The following RAG1 variants were observed in gnomAD, a reference collection of about 807,000 sequenced individuals.
RAG1 encodes V(D)J recombination-activating protein 1.
A neutral mutation model predicts 62.7 loss-of-function variants in RAG1; 35 were observed. That is an observed-to-expected ratio of 0.56 (90% CI 0.43 to 0.74). RAG1 has a LOEUF of 0.74. Among genes scored for constraint, RAG1 ranks in the 30% least tolerant of loss-of-function variants. RAG1 has a pLI of 0.00. For missense variants in RAG1, 1,169 were observed against 1,278.6 expected, an observed-to-expected ratio of 0.91 and a Z score of 1.31; for synonymous variants, 461 against 470.3, an observed-to-expected ratio of 0.98 and a Z score of 0.26.
chr11:36,538,670 T>A (rs190011947), downstream of RAG1, among the ~76,000 whole-genome samples: 15 of 152,298 alleles, frequency 9.8e-5, no homozygotes, highest in Admixed American at 9.8e-4. Context: ...TCTTTAACCT[T>A]TTTTCCTCTG....
chr11:36,543,008 A>G (rs897230454), intron 3 of RAG1, among the ~76,000 whole-genome samples: 3 of 152,182 alleles, frequency 2.0e-5, no homozygotes, highest in African/African-American at 7.2e-5. Context: ...AATTAATCTA[A>G]TCAGTGCCTC....
chr11:36,572,815 C>T (rs2133291995), intron 1 of RAG1, among the ~76,000 whole-genome samples: 1 of 152,282 alleles, frequency 6.6e-6, no homozygotes, highest in African/African-American at 2.4e-5. Flanking sequence ...AAACAACCAA[C>T]CCCCTGGAAG....
At chr11:36,571,389 G>T (rs1850741546) in intron 1 of RAG1, among the ~76,000 whole-genome samples, 1 of 152,136 alleles carries the variant, frequency 6.6e-6, no homozygotes, top group Admixed American at 6.5e-5. Context: ...GAGCCACAGG[G>T]AAAGACCTAG....
At chr11:36,531,141 T>C (rs1564977896) in intron 2 of RAG1, among the ~76,000 whole-genome samples, 1 of 151,998 alleles carries the variant, frequency 6.6e-6, no homozygotes, top group Non-Finnish European at 1.5e-5. Flanking sequence ...GCTATTAATA[T>C]AGCTACTTAC....
In RAG1 at chr11:36,574,934, C is replaced by A. The variant is rs773829381; in HGVS notation, c.1630C>A (p.Leu544Ile). ...TGGCATTATTGATGGGCTGTCTGGA[C>A]TATCATCCTCTGTGGATGATTACCC... ...DVGIIDGLSG[L>I]SSSVDDYPVD... The change falls in exon 2 of 2, where the codon CTA (leucine) becomes ATA (isoleucine). Residue 544 changes from leucine to isoleucine, a missense_variant. Around this residue, in one of 2 missense-constraint regions of RAG1, gnomAD observed 800 missense variants for 943.3 expected, o/e 0.85. Coordinates refer to ENST00000299440, the MANE Select transcript of RAG1 (RefSeq NM_000448.3). 12 of 1,614,192 alleles carry A rather than the reference C, an allele frequency of 7.4e-6. No individual in the cohort carries two copies. In the South Asian group the frequency reaches 1.2e-4, roughly 16 times the overall value.
chr11:36,574,946 G>T lies in RAG1; in HGVS notation c.1642G>T (p.Val548Leu), dbSNP rs774163774. 6.2e-7 allele frequency: 1 copy of T among 1,614,198 alleles called. No individual in the cohort carries two copies. Among genetic ancestry groups the T allele is most frequent in the East Asian group, 2.2e-5 (1 of 44,880 alleles). The change falls in exon 2 of 2, where the codon GTG (valine) becomes TTG (leucine). Residue 548 changes from valine (V) to leucine (L), a missense_variant. Physicochemically the swap from Val to Leu is conservative, Grantham distance 32. Around this residue, in one of 2 missense-constraint regions of RAG1, gnomAD observed 800 missense variants for 943.3 expected, o/e 0.85. Transcript: ENST00000299440. ...IDGLSGLSSS[V>L]DDYPVDTIAK... ...TGGGCTGTCTGGACTATCATCCTCT[G>T]TGGATGATTACCCAGTGGACACCAT...
At chr11:36,516,970 T>C (rs191128699) in intron 1 of RAG1, among the ~76,000 whole-genome samples, 2 of 152,360 alleles carry the variant, frequency 1.3e-5, no homozygotes, top group Admixed American at 6.5e-5. Flanking sequence ...GTTTAGGAAG[T>C]GTCTGAATTT....
exon 1 of RAG1, chr11:36,510,765 T>C (rs947709867): frequency 6.6e-6 from 1 of 152,288 alleles, no homozygotes; most frequent in African/African-American, 2.4e-5. Context: ...CCTTAAATAT[T>C]TCTTTGAATT....
At chr11:36,540,415 T>C (rs1276578060), downstream of RAG1, among the ~76,000 whole-genome samples, 1 of 152,310 alleles carries the variant, frequency 6.6e-6, no homozygotes, top group East Asian at 1.9e-4. Context: ...ATTTATTTAT[T>C]TATTTTTGCG....
downstream of RAG1, among the ~76,000 whole-genome samples, chr11:36,537,346 G>A (rs1282215279): frequency 2.6e-5 from 4 of 152,072 alleles, no homozygotes; most frequent in South Asian, 2.1e-4. Context: ...GAAAATTTTC[G>A]GAGGTGATAA....
intron 2 of RAG1, among the ~76,000 whole-genome samples, chr11:36,523,269 G>T (rs554605760): frequency 7.9e-5 from 12 of 152,260 alleles, no homozygotes; most frequent in African/African-American, 2.9e-4. Context: ...CATGGGGGCG[G>T]GTAGTTCTTG....
intron 3 of RAG1, among the ~76,000 whole-genome samples, chr11:36,549,422 T>A (rs1478666532): frequency 1.3e-5 from 2 of 152,076 alleles, no homozygotes; most frequent in African/African-American, 4.8e-5. Flanking sequence ...TAAACAACTT[T>A]AAAAGAAAAA....
chr11:36,577,339 C>T lies in RAG1; in HGVS notation c.*903C>T, dbSNP rs1850867352. On this transcript the variant is annotated 3_prime_UTR_variant, in exon 2 of 2. Transcript: ENST00000299440. ...AGAGGCTTGTAAAAATATAGGTTAG[C>T]TTGATGTCTAAAAATATATTTCATG... The T allele has an allele frequency of 6.0e-6, 1 of 166,994 alleles. No homozygotes were observed. Among genetic ancestry groups the T allele is most frequent in the East Asian group, 1.9e-4 (1 of 5,206 alleles). 10.3% of individuals were successfully genotyped at this position (166,994 alleles called of 1,614,324 possible). A position where few individuals can be genotyped will look rare whatever the true frequency, so the allele number is the denominator to read the frequency against.
chr11:36,541,933 G>A (rs1850309206), intron 3 of RAG1, among the ~76,000 whole-genome samples: 1 of 152,088 alleles, frequency 6.6e-6, no homozygotes. Flanking sequence ...GCAATATCTG[G>A]GAAGATTGTG....
chr11:36,511,651 A>AT (rs1859924545), intron 1 of RAG1, among the ~76,000 whole-genome samples: 2 of 152,372 alleles, frequency 1.3e-5, no homozygotes, highest in South Asian at 4.1e-4. Context: ...CACTTAAGAC[A>AT]TAAAAAGAGC....
intron 2 of RAG1, among the ~76,000 whole-genome samples, chr11:36,525,390 C>A (rs1248112589): frequency 6.6e-6 from 1 of 152,082 alleles, no homozygotes; most frequent in African/African-American, 2.4e-5. Flanking sequence ...CGTTTACCTT[C>A]CATATAAATT....
chr11:36,535,422 G>T (rs1008030132), intron 2 of RAG1, among the ~76,000 whole-genome samples: 2 of 152,130 alleles, frequency 1.3e-5, no homozygotes, highest in African/African-American at 2.4e-5. Flanking sequence ...TCTATTTCAA[G>T]TTCAACATGT....
intron 1 of RAG1, among the ~76,000 whole-genome samples, chr11:36,569,853 A>G (rs1271274216): frequency 1.5e-4 from 23 of 152,204 alleles, no homozygotes; most frequent in Admixed American, 1.5e-3. Flanking sequence ...TATATGTACA[A>G]ATACAAACGT....
downstream of RAG1, among the ~76,000 whole-genome samples, chr11:36,536,586 A>T (rs1860329573): frequency 6.6e-6 from 1 of 151,994 alleles, no homozygotes; most frequent in South Asian, 2.1e-4. Context: ...TACTGTGCAT[A>T]AAAACATTTT....
Sources: gnomAD v4.1 joint callset for allele counts (sites outside exome capture counted in the v4.1 genomes callset) on GRCh38, gnomAD v4.1.1 for gene constraint, gnomAD v4.1.1 regional missense constraint, MANE v1.5 for transcripts, NCBI Gene and HGNC (gene_info 2026-07-23, HGNC 2026-07-21) for gene names.